Variants in LUZP2 observed in about 807,000 individuals in gnomAD.
The protein encoded by LUZP2 is leucine zipper protein 2.
In LUZP2, 52 loss-of-function variants were observed where a neutral mutation model predicts 51.6. The observed-to-expected ratio is 1.01, with a 90% CI of 0.81 to 1.27. The LOEUF is 1.27. LUZP2 is among the 50% of genes most tolerant of loss of function. The pLI, the probability that LUZP2 is intolerant of heterozygous loss-of-function variation, is 0.00. For missense variants in LUZP2, 436 were observed against 395.4 expected, an observed-to-expected ratio of 1.10 and a Z score of -0.87; for synonymous variants, 154 against 137.3, an observed-to-expected ratio of 1.12 and a Z score of -0.85.
At chr11:25,041,749 C>T (rs530645791) in intron 9 of LUZP2, among the ~76,000 whole-genome samples, 22 of 152,214 alleles carry the variant, frequency 1.4e-4, no homozygotes, top group African/African-American at 4.3e-4. Flanking sequence ...TATTCTTCAG[C>T]GCAGGGGTCC....
chr11:24,814,824 C>T (rs1347362324), intron 5 of LUZP2, among the ~76,000 whole-genome samples: 3 of 151,976 alleles, frequency 2.0e-5, no homozygotes, highest in African/African-American at 7.3e-5. Flanking sequence ...AACCCCTTCT[C>T]TACTAAAAAT....
At chr11:24,704,066 C>T (rs1857497419) in intron 1 of LUZP2, among the ~76,000 whole-genome samples, 1 of 152,062 alleles carries the variant, frequency 6.6e-6, no homozygotes, top group African/African-American at 2.4e-5. Flanking sequence ...AAGTCTTAAT[C>T]TAGATAAGTG....
intron 5 of LUZP2, among the ~76,000 whole-genome samples, chr11:24,798,603 G>A (rs1849610993): frequency 6.6e-6 from 1 of 152,154 alleles, no homozygotes; most frequent in Admixed American, 6.5e-5. Flanking sequence ...GAGCACACAA[G>A]GGACATTTAG....
chr11:25,042,654 A>G (rs141264225), intron 9 of LUZP2, among the ~76,000 whole-genome samples: 2 of 152,248 alleles, frequency 1.3e-5, no homozygotes, highest in African/African-American at 4.8e-5. Flanking sequence ...ATCTGCCAGG[A>G]CTATACTTCC....
intron 5 of LUZP2, among the ~76,000 whole-genome samples, chr11:24,850,781 C>T (rs1267251902): frequency 6.6e-6 from 1 of 152,062 alleles, no homozygotes; most frequent in Non-Finnish European, 1.5e-5. Flanking sequence ...TTGTTTGTGT[C>T]CTCTCTGATT....
At chr11:24,579,577 T>C (rs772934754) in intron 1 of LUZP2, among the ~76,000 whole-genome samples, 1 of 152,090 alleles carries the variant, frequency 6.6e-6, no homozygotes, top group African/African-American at 2.4e-5. Flanking sequence ...TATAAACCAA[T>C]TTACTTGACT....
At chr11:24,956,239 G>A (rs1855205131) in intron 7 of LUZP2, among the ~76,000 whole-genome samples, 1 of 151,740 alleles carries the variant, frequency 6.6e-6, no homozygotes, top group Non-Finnish European at 1.5e-5. Flanking sequence ...AGCAGAGGTG[G>A]GATAATATGG....
At chr11:25,011,103 C>T (rs1353712000) in intron 9 of LUZP2, among the ~76,000 whole-genome samples, 1 of 152,156 alleles carries the variant, frequency 6.6e-6, no homozygotes, top group East Asian at 1.9e-4. Context: ...TGAACAGCAA[C>T]CCTCGAGGGC....
At chr11:24,949,224 G>A (rs117055905) in intron 7 of LUZP2, among the ~76,000 whole-genome samples, 2,814 of 151,302 alleles carry the variant, frequency 0.019, 39 homozygotes, top group Non-Finnish European at 0.031. Flanking sequence ...GGGCTCAATG[G>A]ATTGGATGAT....
intron 4 of LUZP2, among the ~76,000 whole-genome samples, chr11:24,753,991 G>A (rs1486474024): frequency 1.3e-5 from 2 of 152,082 alleles, no homozygotes; most frequent in Non-Finnish European, 2.9e-5. Flanking sequence ...GATCTACTCA[G>A]CCTTTGATAG....
At chr11:24,565,423 A>G (rs998664853) in intron 1 of LUZP2, among the ~76,000 whole-genome samples, 1 of 152,198 alleles carries the variant, frequency 6.6e-6, no homozygotes, top group Non-Finnish European at 1.5e-5. Context: ...GTGAAGGTAA[A>G]TATTTGCCTG....
At chr11:24,621,610 G>T (rs1854497616) in intron 1 of LUZP2, among the ~76,000 whole-genome samples, 1 of 152,056 alleles carries the variant, frequency 6.6e-6, no homozygotes, top group African/African-American at 2.4e-5. Flanking sequence ...TCTTACTTGT[G>T]AAAGCTTTAT....
At chr11:24,552,524 G>A (rs1359639650) in intron 1 of LUZP2, among the ~76,000 whole-genome samples, 2 of 151,910 alleles carry the variant, frequency 1.3e-5, no homozygotes, top group African/African-American at 2.4e-5. Flanking sequence ...AATAAGTAAA[G>A]CTGTCATTAT....
intron 1 of LUZP2, among the ~76,000 whole-genome samples, chr11:24,715,107 G>A (rs943571328): frequency 6.6e-5 from 10 of 152,190 alleles, no homozygotes; most frequent in South Asian, 6.2e-4. Context: ...ATATCTGGGC[G>A]TAAGTGGACA....
chr11:24,893,716 T>C (rs1039894998), intron 5 of LUZP2, among the ~76,000 whole-genome samples: 6 of 151,772 alleles, frequency 4.0e-5, no homozygotes, highest in Non-Finnish European at 7.4e-5. Context: ...GGCATATACT[T>C]TTTTCATTTC....
At chr11:24,734,393 T>A (rs1038426893) in intron 3 of LUZP2, among the ~76,000 whole-genome samples, 4 of 151,814 alleles carry the variant, frequency 2.6e-5, no homozygotes, top group Admixed American at 2.0e-4. Flanking sequence ...TGAATAGGTG[T>A]TTAAGAATTT....
At chr11:24,698,328 T>C (rs373641411) in intron 1 of LUZP2, among the ~76,000 whole-genome samples, 2 of 152,312 alleles carry the variant, frequency 1.3e-5, no homozygotes, top group East Asian at 3.9e-4. Flanking sequence ...TTTAATGAAA[T>C]ACTTTGAGCA....
intron 5 of LUZP2, chr11:24,891,076 A>G (rs1358580452): frequency 9.1e-6 from 9 of 983,976 alleles, no homozygotes; most frequent in Middle Eastern, 5.2e-4. Flanking sequence ...GAAACGTTCA[A>G]AAATGAGGTT....
intron 5 of LUZP2, among the ~76,000 whole-genome samples, chr11:24,880,358 T>G (rs1001734861): frequency 3.9e-5 from 6 of 151,968 alleles, no homozygotes; most frequent in Admixed American, 3.3e-4. Flanking sequence ...CAACACTGTT[T>G]TCCTACTTCT....
Sources: allele counts gnomAD v4.1 joint callset (sites outside exome capture counted in the v4.1 genomes callset), GRCh38; gene constraint gnomAD v4.1.1; transcripts MANE v1.5; gene names NCBI Gene and HGNC (gene_info 2026-07-23, HGNC 2026-07-21).